The following SUMF1 variants were observed in gnomAD, a reference collection of about 807,000 sequenced individuals.
The protein encoded by SUMF1 is formylglycine-generating enzyme.
A neutral mutation model predicts 47.6 loss-of-function variants in SUMF1; 48 were observed. The ratio of observed to expected loss-of-function variants is 1.01; its 90% CI spans 0.80 to 1.28. SUMF1 has a LOEUF of 1.28. Among genes scored for constraint, SUMF1 ranks in the 50% most tolerant of loss-of-function variants. SUMF1 has a pLI of 0.00. For synonymous variants in SUMF1, 230 were observed against 192.1 expected, an observed-to-expected ratio of 1.20 and a Z score of -1.63; for missense variants, 571 against 485.4, an observed-to-expected ratio of 1.18 and a Z score of -1.66.
intron 8 of SUMF1, among the ~76,000 whole-genome samples, chr3:4,232,278 G>A (rs947000119): frequency 6.6e-6 from 1 of 152,138 alleles, no homozygotes; most frequent in Non-Finnish European, 1.5e-5. Flanking sequence ...GGGAAAGACA[G>A]CAAGCACGTT....
At chr3:4,152,613 A>T (rs1694362674) in intron 8 of SUMF1, among the ~76,000 whole-genome samples, 1 of 151,464 alleles carries the variant, frequency 6.6e-6, no homozygotes, top group Non-Finnish European at 1.5e-5. Flanking sequence ...TCTAAAACAG[A>T]AGTGACAGTA....
intron 8 of SUMF1, among the ~76,000 whole-genome samples, chr3:4,075,310 C>G (rs1330009472): frequency 6.6e-6 from 1 of 152,046 alleles, no homozygotes; most frequent in Non-Finnish European, 1.5e-5. Flanking sequence ...GCTAAAAACT[C>G]TCAATAAACT....
chr3:4,151,580 C>G (rs1162867329), intron 8 of SUMF1, among the ~76,000 whole-genome samples: 1 of 148,024 alleles, frequency 6.8e-6, no homozygotes, highest in Non-Finnish European at 1.5e-5. Flanking sequence ...CACACACACA[C>G]ACACACACAT....
At chr3:4,281,293 G>A (rs1199185716) in intron 8 of SUMF1, among the ~76,000 whole-genome samples, 60 of 152,072 alleles carry the variant, frequency 3.9e-4, no homozygotes, top group Non-Finnish European at 2.9e-5. Context: ...TCTTTGTGAT[G>A]TTATTATAGC....
chr3:4,063,471 G>A (rs1022231646), intron 9 of SUMF1, among the ~76,000 whole-genome samples: 6 of 152,038 alleles, frequency 3.9e-5, no homozygotes, highest in Non-Finnish European at 8.8e-5. Context: ...TGGGATGTAT[G>A]TTATATATAT....
At chr3:4,393,006 C>T (rs994464392) in intron 7 of SUMF1, among the ~76,000 whole-genome samples, 4 of 152,062 alleles carry the variant, frequency 2.6e-5, no homozygotes, top group African/African-American at 9.7e-5. Flanking sequence ...CTCAAGTCTC[C>T]CTGGCTTTCA....
At chr3:4,050,404 T>A (rs317573) in intron 9 of SUMF1, among the ~76,000 whole-genome samples, 119,509 of 151,818 alleles carry the variant, frequency 0.79, 49,301 homozygotes, top group East Asian at 0.99. Context: ...AATGTCCTTA[T>A]CTGTAAAATG....
At chr3:4,265,554 A>T (rs1697174833) in intron 8 of SUMF1, among the ~76,000 whole-genome samples, 2 of 152,208 alleles carry the variant, frequency 1.3e-5, no homozygotes, top group South Asian at 4.1e-4. Context: ...ACTATTTTAC[A>T]AAGGCACAAA....
chr3:4,177,724 C>G (rs550765474), intron 8 of SUMF1, among the ~76,000 whole-genome samples: 44 of 151,974 alleles, frequency 2.9e-4, no homozygotes, highest in African/African-American at 1.1e-3. Context: ...ACACAAAAAA[C>G]CATTCAAAAA....
chr3:4,082,903 A>G (rs149349956), intron 8 of SUMF1, among the ~76,000 whole-genome samples: 137 of 152,260 alleles, frequency 9.0e-4, no homozygotes, highest in African/African-American at 3.1e-3. Context: ...TGTCTGTTTA[A>G]ACTCTTTTTC....
At chr3:4,139,915 C>A (rs1326809200) in intron 8 of SUMF1, among the ~76,000 whole-genome samples, 1 of 151,978 alleles carries the variant, frequency 6.6e-6, no homozygotes, top group Non-Finnish European at 1.5e-5. Context: ...TCTTGGCATA[C>A]GTAGTTCAAT....
chr3:4,099,245 T>C (rs1692976492), intron 8 of SUMF1, among the ~76,000 whole-genome samples: 1 of 152,046 alleles, frequency 6.6e-6, no homozygotes, highest in Admixed American at 6.6e-5. Flanking sequence ...CAAGATATTA[T>C]AAGAGGTTGT....
chr3:4,355,276 G>A (rs1699593484), intron 8 of SUMF1, among the ~76,000 whole-genome samples: 1 of 152,194 alleles, frequency 6.6e-6, no homozygotes, highest in South Asian at 2.1e-4. Flanking sequence ...GGGATCACCT[G>A]AGCCTAGGAG....
chr3:4,066,810 G>A (rs569572669), intron 9 of SUMF1, among the ~76,000 whole-genome samples: 2 of 152,256 alleles, frequency 1.3e-5, no homozygotes, highest in Admixed American at 6.5e-5. Context: ...ACAGGACCTA[G>A]ACCGAACACC....
intron 6 of SUMF1, among the ~76,000 whole-genome samples, chr3:4,412,602 G>A (rs189235636): frequency 7.3e-4 from 111 of 152,300 alleles, no homozygotes; most frequent in African/African-American, 2.5e-3. Flanking sequence ...AGATGAAACA[G>A]GCCAGGTGCC....
chr3:4,446,352 T>C (rs1702780483), intron 3 of SUMF1, among the ~76,000 whole-genome samples: 1 of 152,208 alleles, frequency 6.6e-6, no homozygotes, highest in Non-Finnish European at 1.5e-5. Context: ...CAAACTCTCT[T>C]CCCTGCCACC....
At chr3:4,159,965 C>G (rs543551671) in intron 8 of SUMF1, among the ~76,000 whole-genome samples, 5 of 152,254 alleles carry the variant, frequency 3.3e-5, no homozygotes, top group Admixed American at 3.3e-4. Context: ...TTTCTTTTCT[C>G]TTGCTTATTT....
In SUMF1 at chr3:4,410,976, A is replaced by G. The variant is rs2125010592; in HGVS notation, c.843T>C (p.Val281=). 6.2e-7 allele frequency: 1 copy of G among 1,613,654 alleles called. No homozygotes were observed. Among genetic ancestry groups the G allele is most frequent in the Non-Finnish European group, 8.5e-7 (1 of 1,179,532 alleles). The change falls in exon 7 of 9, where the codon GTT becomes GTC. Residue 281 remains valine, a splice_region_variant and synonymous_variant. Transcript: ENST00000272902. The stretch of plus-strand genomic sequence containing the variant: ...CATAACCATTGGGAGGGAAGGCATC[A>G]ACCTAAAAACAAAGACAGGAAAAAT... ...GEDGFQGTAP[V]DAFPPNGYGL...
chr3:4,192,454 T>A (rs1009240394), intron 8 of SUMF1, among the ~76,000 whole-genome samples: 1 of 152,058 alleles, frequency 6.6e-6, no homozygotes. Flanking sequence ...AATGTTTATA[T>A]TTTTATTTAT....
Sources: allele counts gnomAD v4.1 joint callset (sites outside exome capture counted in the v4.1 genomes callset), GRCh38; gene constraint gnomAD v4.1.1; transcripts MANE v1.5; gene names NCBI Gene and HGNC (gene_info 2026-07-23, HGNC 2026-07-21).